HAUS7: variants seen among roughly 807,000 people sequenced by gnomAD.
The protein encoded by HAUS7 is HAUS augmin-like complex subunit 7.
A neutral mutation model predicts 28.4 loss-of-function variants in HAUS7; 3 were observed. That is an observed-to-expected ratio of 0.11 (90% CI 0.05 to 0.27). The LOEUF is 0.27. Among genes scored for constraint, HAUS7 ranks in the 10% least tolerant of loss-of-function variants. HAUS7 has a pLI of 1.00. For missense variants in HAUS7, 284 were observed against 297.3 expected (o/e 0.96, Z 0.33); for synonymous variants, 165 against 132.1 (o/e 1.25, Z -1.71).
chrX:153,453,693 T>C (rs2089266065), intron 9 of HAUS7, among the ~76,000 whole-genome samples: 1 of 111,085 alleles, frequency 9.0e-6, no homozygotes, highest in Non-Finnish European at 1.9e-5. Flanking sequence ...TTCCAGTCAA[T>C]GGTGCTGCGA....
intron 1 of HAUS7, chrX:153,480,673 G>A (rs1354909086): frequency 2.7e-6 from 2 of 753,424 alleles, no homozygotes; most frequent in East Asian, 3.0e-4. Flanking sequence ...CCGAAGCAGG[G>A]AGCTCAAGGA....
In HAUS7 at chrX:153,485,860, C is replaced by T. The variant is rs189337858; in HGVS notation, c.-589+9514G>A. 66 of 909,384 alleles carry T rather than the reference C, an allele frequency of 7.3e-5. No individual in the cohort carries two copies. In the East Asian group the frequency reaches 2.8e-3, roughly 38 times the overall value. The allele number at this position is 909,384 out of a possible 1,213,427, so 74.9% of individuals were successfully genotyped here. On this transcript the variant is annotated intron_variant, in intron 1 of 5. Coordinates refer to the HAUS7 transcript ENST00000370210. ...GCCTGAGGCGCCTGACGCTGCACCACGACCACATCGAGCGCATCCCTGGCT... is the reference window on the plus strand; with the variant it reads ...GCCTGAGGCGCCTGACGCTGCACCATGACCACATCGAGCGCATCCCTGGCT...
intron 1 of HAUS7, chrX:153,481,457 A>T (rs7876605): frequency 2.9e-5 from 22 of 754,246 alleles, no homozygotes; most frequent in South Asian, 1.4e-4. Context: ...ACCCCAGGCC[A>T]TGGGTGGAAA....
intron 5 of HAUS7, 129 bp from the exon 6 acceptor site, chrX:153,456,780 C>T (rs1441190335): frequency 4.3e-5 from 23 of 533,373 alleles, no homozygotes; most frequent in African/African-American, 1.9e-4. Context: ...AGCCCCACCG[C>T]GCAGAATCCT....
chrX:153,470,728 C>G (rs973648117), upstream of HAUS7: 14 of 692,810 alleles, frequency 2.0e-5, no homozygotes, highest in Admixed American at 9.8e-5. Flanking sequence ...CTCCCACCCC[C>G]CGCCCCGGCA....
At chrX:153,486,007 C>G in intron 1 of HAUS7, 4 of 979,739 alleles carry the variant, frequency 4.1e-6, no homozygotes, top group Non-Finnish European at 5.3e-6. Flanking sequence ...CGGAGCTGCT[C>G]CTGGATCATA....
Position 153,454,503 on chromosome X carries a change from C to T in HAUS7, c.936G>A (p.Leu312=). The change falls in exon 9 of 10, where the codon CTG becomes CTA. Residue 312 remains leucine, a synonymous_variant. Coordinates refer to ENST00000370211, the MANE Select transcript of HAUS7 (RefSeq NM_001385482.1). ...HQNLTSYSQL[L]QVVMAVADTS... ...TGTCAGCAACTGCCATGACCACTTG[C>T]AGCAGCTGGGGAGGGAGGGAGGGAG... 1.8e-6 allele frequency: 1 copy of T among 551,107 alleles called. No individual in the cohort carries two copies. The highest frequency in any genetic ancestry group is 2.6e-6 in the Non-Finnish European group (1 of 380,701). 45.4% of individuals were successfully genotyped at this position (551,107 alleles called of 1,213,427 possible). A position where few individuals can be genotyped will look rare whatever the true frequency, so the allele number is the denominator to read the frequency against.
At chrX:153,460,690 A>G (rs1008010970) in intron 4 of HAUS7, among the ~76,000 whole-genome samples, 15 of 112,225 alleles carry the variant, frequency 1.3e-4, no homozygotes, top group African/African-American at 4.2e-4. Context: ...AAGCAAGCGC[A>G]GTGCTCCCAC....
chrX:153,447,833 C>T lies in HAUS7; in HGVS notation c.*45G>A, dbSNP rs375007458. The T allele has an allele frequency of 4.1e-5, 45 of 1,101,439 alleles. No homozygotes were observed. The highest frequency in any genetic ancestry group is 5.2e-5 in the Non-Finnish European group (41 of 793,969). The allele number at this position is 1,101,439 out of a possible 1,213,427, so 90.8% of individuals were successfully genotyped here. ...CTCGATCTTGGGAGAGGGCTTCCTGCCCGCCCCATCCTGTGCTTTGGCGTA... is the reference window on the plus strand; with the variant it reads ...CTCGATCTTGGGAGAGGGCTTCCTGTCCGCCCCATCCTGTGCTTTGGCGTA... On this transcript the variant is annotated 3_prime_UTR_variant, in exon 10 of 10. Coordinates refer to ENST00000370211, the MANE Select transcript of HAUS7 (RefSeq NM_001385482.1).
At chrX:153,461,830 G>A in intron 4 of HAUS7, 1 of 292,162 alleles carries the variant, frequency 3.4e-6, no homozygotes, top group South Asian at 1.8e-4. Flanking sequence ...CAGTTTGGGG[G>A]CTCCTCGAAA....
At chrX:153,478,301 G>A (rs2089575491) in intron 1 of HAUS7, among the ~76,000 whole-genome samples, 1 of 111,938 alleles carries the variant, frequency 8.9e-6, no homozygotes, top group Admixed American at 9.4e-5. Context: ...CTCTGAGGGT[G>A]GCGGGCTCTA....
intron 1 of HAUS7, among the ~76,000 whole-genome samples, chrX:153,492,791 C>A (rs2089679424): frequency 9.0e-6 from 1 of 111,302 alleles, no homozygotes; most frequent in Admixed American, 9.5e-5. Context: ...TACTGGTCTG[C>A]TCCAGGTCAC....
At chrX:153,463,636 T>G (rs1001381885) in intron 3 of HAUS7, among the ~76,000 whole-genome samples, 1 of 112,278 alleles carries the variant, frequency 8.9e-6, no homozygotes, top group East Asian at 2.8e-4. Context: ...CCCACGTCCT[T>G]CTGGGGCCCA....
At chrX:153,476,893 G>T (rs1437971465) in intron 1 of HAUS7, among the ~76,000 whole-genome samples, 2 of 112,200 alleles carry the variant, frequency 1.8e-5, no homozygotes, top group African/African-American at 6.5e-5. Flanking sequence ...CTCTTGGGCG[G>T]GGGGGAGGGC....
intron 4 of HAUS7, among the ~76,000 whole-genome samples, chrX:153,459,898 C>T (rs1012093772): frequency 2.7e-5 from 3 of 111,522 alleles, no homozygotes; most frequent in Non-Finnish European, 3.8e-5. Flanking sequence ...TGCCTGTGAC[C>T]CCAGCTACTC....
At chrX:153,458,025 C>T (rs1358004700) in intron 4 of HAUS7, among the ~76,000 whole-genome samples, 6 of 113,541 alleles carry the variant, frequency 5.3e-5, no homozygotes, top group Admixed American at 9.2e-5. Flanking sequence ...GTGCCTTCAG[C>T]GCCAACTTGT....
chrX:153,471,929 C>T (rs1215114444), upstream of HAUS7, among the ~76,000 whole-genome samples: 1 of 112,461 alleles, frequency 8.9e-6, no homozygotes, highest in Non-Finnish European at 1.9e-5. Context: ...CTGTCAAAGG[C>T]TTTGGGATTT....
chrX:153,491,810 G>A (rs1173755126), intron 1 of HAUS7, among the ~76,000 whole-genome samples: 1 of 113,216 alleles, frequency 8.8e-6, no homozygotes, highest in African/African-American at 3.2e-5. Flanking sequence ...CTTGTCAGGT[G>A]GAGAGAGCTG....
intron 1 of HAUS7, among the ~76,000 whole-genome samples, chrX:153,490,130 G>A (rs1156903772): frequency 1.2e-4 from 14 of 112,593 alleles, no homozygotes; most frequent in African/African-American, 4.5e-4. Context: ...GCCTCCCTGA[G>A]GGAAGACCAC....
Sources: allele counts gnomAD v4.1 joint callset (sites outside exome capture counted in the v4.1 genomes callset), GRCh38; gene constraint gnomAD v4.1.1; transcripts MANE v1.5; gene names NCBI Gene and HGNC (gene_info 2026-07-23, HGNC 2026-07-21).